GGA3: variants seen among roughly 807,000 people sequenced by gnomAD.
GGA3 encodes golgi associated, gamma adaptin ear containing, ARF binding protein 3.
GGA3 carries 57 observed loss-of-function variants against 77.5 expected under a neutral mutation model. The observed-to-expected ratio is 0.74, with a 90% CI of 0.59 to 0.92. The LOEUF is 0.92. Ranked by LOEUF, GGA3 falls within the 40% of genes least tolerant of loss-of-function variation. The pLI is 0.00. For missense variants in GGA3, 970 were observed against 914.9 expected (o/e 1.06, Z -0.78); for synonymous variants, 416 against 383.7 (o/e 1.08, Z -0.98).
upstream of GGA3, chr17:75,261,803 G>T: frequency 2.3e-6 from 3 of 1,322,650 alleles, no homozygotes; most frequent in Non-Finnish European, 3.1e-6. Flanking sequence ...GGAGAGAAAC[G>T]CAGATTTAGG....
Position 75,239,086 on chromosome 17 carries a change from G to A in GGA3, c.1781-3C>T, listed in dbSNP as rs774033142. ...GGCTGTCACAGGAAGGGCACTGCCTGTAAGAACGTGACGTGAGTGTGGGAG... is the reference window on the plus strand; with the variant it reads ...GGCTGTCACAGGAAGGGCACTGCCTATAAGAACGTGACGTGAGTGTGGGAG... On this transcript the variant is annotated splice_polypyrimidine_tract_variant and splice_region_variant and intron_variant, in intron 14 of 16. Transcript: ENST00000537686. 9.3e-6 allele frequency: 15 copies of A among 1,611,446 alleles called. No individual in the cohort carries two copies. The highest frequency in any genetic ancestry group is 2.2e-5 in the East Asian group (1 of 44,878).
chr17:75,250,929 A>T (rs2076943785), intron 1 of GGA3, among the ~76,000 whole-genome samples: 1 of 151,438 alleles, frequency 6.6e-6, no homozygotes, highest in Non-Finnish European at 1.5e-5. Flanking sequence ...TAAAAACACA[A>T]AATTAGCTGG....
At chr17:75,254,650 A>G (rs1268856044) in intron 1 of GGA3, among the ~76,000 whole-genome samples, 1 of 152,212 alleles carries the variant, frequency 6.6e-6, no homozygotes, top group Non-Finnish European at 1.5e-5. Flanking sequence ...ACCCCACAAC[A>G]GGACTTAATT....
intron 3 of GGA3, among the ~76,000 whole-genome samples, chr17:75,246,225 C>T (rs1337790383): frequency 1.3e-5 from 2 of 152,238 alleles, no homozygotes; most frequent in Non-Finnish European, 2.9e-5. Flanking sequence ...GGGCTCAGGG[C>T]CCTGACTCTG....
chr17:75,243,050 G>A lies in GGA3; in HGVS notation c.528+13C>T. 6.3e-7 allele frequency: 1 copy of A among 1,588,108 alleles called. No homozygotes were observed. The highest frequency in any genetic ancestry group is 8.6e-7 in the Non-Finnish European group (1 of 1,157,474). On this transcript the variant is annotated intron_variant, in intron 6 of 16. Transcript: ENST00000537686. ...CTCGTATGAGAAAATCCCAGGCCCAGGGTGTCCTTTACCTTGGACTTCTCC... is the reference window on the plus strand; with the variant it reads ...CTCGTATGAGAAAATCCCAGGCCCAAGGTGTCCTTTACCTTGGACTTCTCC...
chr17:75,245,350 A>G (rs937574429), intron 3 of GGA3, among the ~76,000 whole-genome samples: 1 of 152,040 alleles, frequency 6.6e-6, no homozygotes, highest in Admixed American at 6.5e-5. Context: ...TGGGCTGGTC[A>G]TTCTTCGTTG....
At chr17:75,240,149 G>T in intron 12 of GGA3, 41 bp from the exon 13 acceptor site, 3 of 1,324,278 alleles carry the variant, frequency 2.3e-6, no homozygotes, top group Non-Finnish European at 3.2e-6. Context: ...GGGCGGGTGG[G>T]GAGGGCCTGC....
At chr17:75,248,829 AAAAAAC>A in intron 1 of GGA3, 1 of 976,942 alleles carries the variant, frequency 1.0e-6, no homozygotes, top group African/African-American at 1.8e-5. Flanking sequence ...AACAAAAAAA[AAAAAAC>A]TCACCAGCTG....
intron 1 of GGA3, among the ~76,000 whole-genome samples, chr17:75,250,810 G>A (rs1158626544): frequency 6.8e-6 from 1 of 147,842 alleles, no homozygotes; most frequent in Non-Finnish European, 1.5e-5. Flanking sequence ...GGGCACGGTG[G>A]CTCACGCCTG....
intron 3 of GGA3, 109 bp from the exon 4 acceptor site, chr17:75,244,826 G>T: frequency 1.4e-6 from 1 of 734,054 alleles, no homozygotes; most frequent in Non-Finnish European, 2.4e-6. Flanking sequence ...ACGCCCACAG[G>T]AAGGAGCTCA....
chr17:75,243,075 C>T lies in GGA3; in HGVS notation c.516G>A (p.Glu172=), dbSNP rs768776178. 1.2e-6 allele frequency: 2 copies of T among 1,611,900 alleles called. No individual in the cohort carries two copies. Among genetic ancestry groups the T allele is most frequent in the African/African-American group, 1.3e-5 (1 of 74,962 alleles). Residue 172 remains glutamate (E), a synonymous_variant, in exon 6 of 17, where the codon GAG becomes GAA. Transcript: ENST00000537686. ...PRPKNPVFDD[E]EKSKLLAKLL... Reference sequence around the variant, plus strand: ...GGGTGTCCTTTACCTTGGACTTCTCCTCATCATCAAAAACAGGGTTTTTGG... The same window carrying T: ...GGGTGTCCTTTACCTTGGACTTCTCTTCATCATCAAAAACAGGGTTTTTGG...
chr17:75,261,685 C>G, upstream of GGA3: 1 of 1,280,380 alleles, frequency 7.8e-7, no homozygotes, highest in African/African-American at 1.5e-5. Flanking sequence ...GAGTGAGTGC[C>G]GTCACCGAGG....
rs527584198 is a variant in GGA3 at position 75,237,652 on chromosome 17, G to A, written c.*627C>T. On this transcript the variant is annotated 3_prime_UTR_variant, in exon 17 of 17. Transcript: ENST00000537686. Reference sequence around the variant, plus strand: ...ATAGGACACAGCCTGCCACTGCCAGGGACAAGCACACAACTCATCACTCCG... The same window carrying A: ...ATAGGACACAGCCTGCCACTGCCAGAGACAAGCACACAACTCATCACTCCG... 8.7e-6 allele frequency: 13 copies of A among 1,499,728 alleles called. No individual in the cohort carries two copies. The Admixed American group carries it at 1.0e-4, about 12-fold the overall frequency. The allele number at this position is 1,499,728 out of a possible 1,614,324, so 92.9% of individuals were successfully genotyped here. A position where few individuals can be genotyped will look rare whatever the true frequency, so the allele number is the denominator to read the frequency against.
In GGA3 at chr17:75,240,913, C is replaced by T; in HGVS notation, c.1091G>A (p.Gly364Glu). 6.2e-7 allele frequency: 1 copy of T among 1,613,636 alleles called. No individual in the cohort carries two copies. Among genetic ancestry groups the T allele is most frequent in the Non-Finnish European group, 8.5e-7 (1 of 1,179,828 alleles). Residue 364 changes from glycine (G) to glutamate (E), a missense_variant, in exon 11 of 17, where the codon GGA (glycine) becomes GAA (glutamate). Coordinates refer to ENST00000537686, the MANE Select transcript of GGA3 (RefSeq NM_138619.4). ...PILPPPPQAS[G>E]PPRSRSSSQA... is the part of the protein sequence containing the mutation. ...GCTAGAGGAGCGGCTCCGTGGAGGT[C>T]CTGAGGCCTGGGGTGGTGGAGGGAG...
upstream of GGA3, chr17:75,262,241 G>C (rs1417603747): frequency 9.4e-6 from 6 of 638,430 alleles, no homozygotes; most frequent in African/African-American, 5.5e-5. Context: ...GGGATCGCCT[G>C]TGAATTGGGA....
Position 75,240,085 on chromosome 17 carries a change from G to C in GGA3, c.1287C>G (p.Phe429Leu). The change falls in exon 13 of 17, where the codon TTC becomes TTG. Residue 429 changes from phenylalanine (F) to leucine (L), a missense_variant. Transcript: ENST00000537686. ...CAGCGGTCCCCGGCCTGGGGCTGAA[G>C]AAGTCCAGGTCGGACTGTTCCCTCT... is the stretch of plus-strand genomic sequence containing the variant. ...LLQREQSDLD[F>L]FSPRPGTAAC... The C allele has an allele frequency of 7.0e-7, 1 of 1,425,064 alleles. No homozygotes were observed. The highest frequency in any genetic ancestry group is 9.3e-7 in the Non-Finnish European group (1 of 1,070,588). The allele number at this position is 1,425,064 out of a possible 1,614,324, so 88.3% of individuals were successfully genotyped here. A position where few individuals can be genotyped will look rare whatever the true frequency, so the allele number is the denominator to read the frequency against.
At chr17:75,256,544 G>C (rs1814988483) in intron 1 of GGA3, among the ~76,000 whole-genome samples, 1 of 151,996 alleles carries the variant, frequency 6.6e-6, no homozygotes, top group Non-Finnish European at 1.5e-5. Context: ...GATCACGCTT[G>C]ATTTATTGAT....
chr17:75,259,400 GAA>G (rs930720020), intron 1 of GGA3, among the ~76,000 whole-genome samples: 2 of 152,222 alleles, frequency 1.3e-5, no homozygotes, highest in African/African-American at 4.8e-5. Context: ...TGGTTTGTGA[GAA>G]AAGAGAATCT....
upstream of GGA3, chr17:75,261,885 C>T: frequency 6.2e-7 from 1 of 1,606,794 alleles, no homozygotes; most frequent in Non-Finnish European, 8.5e-7. Flanking sequence ...TTGTGGGGTC[C>T]TCGTGGCCAG....
Sources: gnomAD v4.1 joint callset for allele counts (sites outside exome capture counted in the v4.1 genomes callset) on GRCh38, gnomAD v4.1.1 for gene constraint, MANE v1.5 for transcripts, NCBI Gene and HGNC (gene_info 2026-07-23, HGNC 2026-07-21) for gene names.